Variants in DCDC1 observed in about 807,000 individuals in gnomAD.
The protein encoded by DCDC1 is doublecortin domain-containing protein 1.
DCDC1 carries 200 observed loss-of-function variants against 178.3 expected under a neutral mutation model. That is an observed-to-expected ratio of 1.12 (90% CI 1.00 to 1.26). DCDC1 has a LOEUF of 1.26. Among genes scored for constraint, DCDC1 ranks in the 50% most tolerant of loss-of-function variants. DCDC1 has a pLI of 0.00. For synonymous variants in DCDC1, 690 were observed against 604.8 expected (o/e 1.14, Z -2.07); for missense variants, 1,983 against 1,749.2 (o/e 1.13, Z -2.38).
intron 6 of DCDC1, 89 bp from the exon 7 acceptor site, chr11:31,290,941 A>G (rs1947186100): frequency 8.7e-7 from 1 of 1,149,486 alleles, no homozygotes. Flanking sequence ...TTACCTGTGT[A>G]TTATACACTG....
At position 30,915,541 on chromosome 11, in the gene DCDC1, T is replaced by C. The variant is rs1489965904; in HGVS notation, c.3623A>G (p.His1208Arg). The C allele has an allele frequency of 1.2e-6, 2 of 1,613,972 alleles. No individual in the cohort carries two copies. The highest frequency in any genetic ancestry group is 1.7e-6 in the Non-Finnish European group (2 of 1,179,852). The change falls in exon 27 of 39, where the codon CAT (histidine) becomes CGT (arginine). Residue 1208 changes from histidine (H) to arginine (R), a missense_variant. Coordinates refer to ENST00000684477, the MANE Select transcript of DCDC1 (RefSeq NM_001387274.1). ...VLVEKKSDGS[H>R]QRWIHQEDSR... ...GTCTTCCTGGTGTATCCAGCGCTGATGACTACCATCAGATTTCTTCTCCAC... is the reference window on the plus strand; with the variant it reads ...GTCTTCCTGGTGTATCCAGCGCTGACGACTACCATCAGATTTCTTCTCCAC...
chr11:31,346,520 T>C (rs1591822344), intron 1 of DCDC1, among the ~76,000 whole-genome samples: 1 of 135,554 alleles, frequency 7.4e-6, no homozygotes, highest in South Asian at 2.4e-4. Context: ...AATGCATAAA[T>C]ATTATTTAGT....
chr11:30,874,673 G>A (rs1590184534), intron 38 of DCDC1, among the ~76,000 whole-genome samples: 1 of 152,100 alleles, frequency 6.6e-6, no homozygotes, highest in East Asian at 1.9e-4. Context: ...TGCCCTTCAG[G>A]AAATTTCCTT....
intron 10 of DCDC1, among the ~76,000 whole-genome samples, chr11:31,136,382 G>C (rs1344463259): frequency 6.6e-6 from 1 of 151,994 alleles, no homozygotes; most frequent in Non-Finnish European, 1.5e-5. Context: ...TATCTACTGA[G>C]ATGGCTAATC....
intron 2 of DCDC1, among the ~76,000 whole-genome samples, chr11:31,329,865 T>C (rs1261383970): frequency 6.6e-6 from 1 of 152,228 alleles, no homozygotes; most frequent in Non-Finnish European, 1.5e-5. Flanking sequence ...AACATACGTG[T>C]ACATGTGTCT....
chr11:31,239,852 G>T (rs939836436), intron 9 of DCDC1, among the ~76,000 whole-genome samples: 4 of 151,370 alleles, frequency 2.6e-5, no homozygotes, highest in African/African-American at 9.7e-5. Context: ...AATTCTGAAA[G>T]TATTTTTTTC....
intron 9 of DCDC1, among the ~76,000 whole-genome samples, chr11:31,142,955 T>G (rs1964012120): frequency 6.6e-6 from 1 of 152,256 alleles, no homozygotes; most frequent in Non-Finnish European, 1.5e-5. Context: ...TGATCGCACT[T>G]TCCCTCATAA....
At chr11:31,368,878 C>T (rs1462485773) in intron 1 of DCDC1, among the ~76,000 whole-genome samples, 1 of 151,860 alleles carries the variant, frequency 6.6e-6, no homozygotes, top group Non-Finnish European at 1.5e-5. Context: ...AAGTAAGCAG[C>T]ACAAAGAAGT....
rs189161285 is a variant in DCDC1, at chr11:30,918,173, A to G, written c.3294-1145T>C. ...GTTTTAACAAAGTTAGCAGGATGCA[A>G]ACAAGATTCTTCACCCAAATCCAGA... On this transcript the variant is annotated intron_variant, in intron 25 of 38. Transcript: ENST00000684477. Among the ~76,000 whole-genome samples the G allele has an allele frequency of 2.6e-5, 4 of 152,324 alleles. No homozygotes were observed. The East Asian group carries it at 7.7e-4, about 29-fold the overall frequency.
chr11:31,244,253 C>T (rs2136921402), intron 8 of DCDC1, among the ~76,000 whole-genome samples: 1 of 151,734 alleles, frequency 6.6e-6, no homozygotes, highest in South Asian at 2.1e-4. Context: ...AGAAGTCGCT[C>T]TACTTTTTAA....
chr11:31,205,585 T>C (rs572008975), intron 9 of DCDC1, among the ~76,000 whole-genome samples: 1 of 152,306 alleles, frequency 6.6e-6, no homozygotes, highest in South Asian at 2.1e-4. Flanking sequence ...TACAGGTTAC[T>C]TGTGTAAGTG....
chr11:31,114,083 C>T (rs1033771163), intron 11 of DCDC1, among the ~76,000 whole-genome samples: 1 of 152,114 alleles, frequency 6.6e-6, no homozygotes, highest in African/African-American at 2.4e-5. Flanking sequence ...GAAGCTCTTT[C>T]CATACCAAAA....
At chr11:31,126,667 C>G (rs1008240150) in intron 11 of DCDC1, among the ~76,000 whole-genome samples, 1 of 152,042 alleles carries the variant, frequency 6.6e-6, no homozygotes, top group Non-Finnish European at 1.5e-5. Context: ...TTGTAGTAAC[C>G]ATGATTTCTT....
chr11:31,142,098 G>C (rs1431006303), intron 9 of DCDC1, among the ~76,000 whole-genome samples: 1 of 152,232 alleles, frequency 6.6e-6, no homozygotes, highest in Non-Finnish European at 1.5e-5. Context: ...TTATGTATGG[G>C]AACGGGAGGT....
At chr11:31,149,866 T>A (rs1370397784) in intron 9 of DCDC1, among the ~76,000 whole-genome samples, 2 of 152,194 alleles carry the variant, frequency 1.3e-5, no homozygotes, top group Non-Finnish European at 2.9e-5. Flanking sequence ...TTAAGAGCTG[T>A]AACACTTGCC....
intron 9 of DCDC1, among the ~76,000 whole-genome samples, chr11:31,178,159 A>G (rs1273449870): frequency 6.6e-6 from 1 of 152,252 alleles, no homozygotes; most frequent in Non-Finnish European, 1.5e-5. Context: ...CAGCTATATT[A>G]CTAAAATAGC....
At chr11:31,142,283 T>C (rs1963912574) in intron 9 of DCDC1, among the ~76,000 whole-genome samples, 1 of 152,194 alleles carries the variant, frequency 6.6e-6, no homozygotes, top group African/African-American at 2.4e-5. Context: ...CCCTTTCAAA[T>C]TGGATAGGAC....
At chr11:30,920,708 G>C in intron 25 of DCDC1, 68 bp downstream of exon 25, 4 of 1,573,296 alleles carry the variant, frequency 2.5e-6, no homozygotes, top group Non-Finnish European at 3.5e-6. Flanking sequence ...GCTCTGTGCT[G>C]TTATCGGGCT....
At chr11:31,024,187 A>T (rs1024160699) in intron 20 of DCDC1, among the ~76,000 whole-genome samples, 1 of 151,998 alleles carries the variant, frequency 6.6e-6, no homozygotes, top group Non-Finnish European at 1.5e-5. Context: ...TATAACATTT[A>T]AATTATCATT....
Sources: gnomAD v4.1 joint callset for allele counts (sites outside exome capture counted in the v4.1 genomes callset) on GRCh38, gnomAD v4.1.1 for gene constraint, MANE v1.5 for transcripts, NCBI Gene and HGNC (gene_info 2026-07-23, HGNC 2026-07-21) for gene names.